ULK2: variants seen among roughly 807,000 people sequenced by gnomAD.
ULK2 encodes the protein serine/threonine-protein kinase ULK2.
Under a neutral mutation model 127.5 loss-of-function variants are expected in ULK2, and 76 were observed. The observed-to-expected ratio is 0.60, with a 90% CI of 0.50 to 0.72. The LOEUF (loss-of-function observed/expected upper bound fraction) is 0.72. Among genes scored for constraint, ULK2 ranks in the 30% least tolerant of loss-of-function variants. The pLI is 0.00. For synonymous variants in ULK2, 452 were observed against 461.9 expected (o/e 0.98, Z 0.28); for missense variants, 1,144 against 1,295.9 (o/e 0.88, Z 1.80).
chr17:19,829,633 T>A (rs1485631897), intron 10 of ULK2, among the ~76,000 whole-genome samples: 2 of 147,622 alleles, frequency 1.4e-5, no homozygotes, highest in African/African-American at 2.5e-5. Context: ...GTCAGGAGTT[T>A]GAGACCAGCC....
intron 6 of ULK2, among the ~76,000 whole-genome samples, chr17:19,846,420 A>T (rs2041883520): frequency 6.6e-6 from 1 of 151,988 alleles, no homozygotes; most frequent in Non-Finnish European, 1.5e-5. Context: ...CGGGCAGATC[A>T]CCTGAGGTCA....
chr17:19,826,925 C>G (rs1272688597), intron 10 of ULK2, among the ~76,000 whole-genome samples: 3 of 151,620 alleles, frequency 2.0e-5, no homozygotes, highest in Non-Finnish European at 4.4e-5. Context: ...CCACTGCACT[C>G]CAGCCTGGGT....
chr17:19,849,426 T>A (rs1226059700), intron 4 of ULK2, 21 bp from the exon 5 acceptor site: 1 of 1,596,368 alleles, frequency 6.3e-7, no homozygotes, highest in Non-Finnish European at 8.6e-7. Flanking sequence ...AAAGAGAAAG[T>A]AATGAAAATA....
At position 19,843,242 on chromosome 17, in the gene ULK2, A is replaced by C; in HGVS notation, c.544-20T>G. ...AGGAGCCTGGGAACAGAAAAATTTA[A>C]GGGGCATGCCGTACGTTATTTACAT... On this transcript the variant is annotated intron_variant, in intron 7 of 26. Coordinates refer to ENST00000395544, the MANE Select transcript of ULK2 (RefSeq NM_014683.4). 1.3e-6 allele frequency: 2 copies of C among 1,495,282 alleles called. No individual in the cohort carries two copies. Among genetic ancestry groups the C allele is most frequent in the Non-Finnish European group, 1.8e-6 (2 of 1,112,610 alleles). The allele number at this position is 1,495,282 out of a possible 1,614,324, so 92.6% of individuals were successfully genotyped here.
intron 11 of ULK2, 145 bp downstream of exon 11, chr17:19,825,994 A>AT (rs1567705695): frequency 3.1e-5 from 5 of 159,658 alleles, no homozygotes; most frequent in African/African-American, 1.3e-4. Flanking sequence ...CTCAAAAAAA[A>AT]AAAAAAAAAA....
intron 1 of ULK2, among the ~76,000 whole-genome samples, 164 bp downstream of exon 1, chr17:19,867,164 C>A (rs1597833703): frequency 6.6e-6 from 1 of 152,132 alleles, no homozygotes; most frequent in South Asian, 2.1e-4. Context: ...CTCACAACAA[C>A]CCTCACAGGA....
At chr17:19,815,727 A>C (rs1426996825) in intron 13 of ULK2, among the ~76,000 whole-genome samples, 1 of 152,238 alleles carries the variant, frequency 6.6e-6, no homozygotes, top group Non-Finnish European at 1.5e-5. Flanking sequence ...TAAAAGTTTT[A>C]ATTACTTTTG....
At chr17:19,850,573 T>C (rs2041991131) in intron 3 of ULK2, among the ~76,000 whole-genome samples, 1 of 152,120 alleles carries the variant, frequency 6.6e-6, no homozygotes, top group Non-Finnish European at 1.5e-5. Flanking sequence ...ACGTCTGTAA[T>C]CCCAGCACTT....
intron 3 of ULK2, among the ~76,000 whole-genome samples, chr17:19,863,232 T>C (rs1254132829): frequency 6.6e-6 from 1 of 151,124 alleles, no homozygotes; most frequent in East Asian, 1.9e-4. Context: ...AAAAAGGTTG[T>C]CAAATGAATG....
intron 20 of ULK2, among the ~76,000 whole-genome samples, chr17:19,790,991 C>T (rs998948216): frequency 6.6e-6 from 1 of 152,170 alleles, no homozygotes; most frequent in Non-Finnish European, 1.5e-5. Context: ...CCTACACGAG[C>T]ATACAGATAT....
chr17:19,863,687 T>C (rs975485686), intron 3 of ULK2, among the ~76,000 whole-genome samples: 5 of 151,944 alleles, frequency 3.3e-5, no homozygotes, highest in African/African-American at 1.2e-4. Context: ...TGAAGGATTT[T>C]TTAACATAAT....
At chr17:19,866,713 C>T (rs2042358119) in intron 1 of ULK2, among the ~76,000 whole-genome samples, 1 of 152,134 alleles carries the variant, frequency 6.6e-6, no homozygotes, top group Non-Finnish European at 1.5e-5. Context: ...AGGCTTAAAA[C>T]AATTTTTTTA....
chr17:19,829,293 G>C (rs1008609082), intron 10 of ULK2, among the ~76,000 whole-genome samples: 6 of 152,030 alleles, frequency 3.9e-5, no homozygotes, highest in African/African-American at 1.4e-4. Flanking sequence ...CCTAGCACTT[G>C]GGAGGCCCAA....
At chr17:19,855,352 C>T (rs570366989) in intron 3 of ULK2, among the ~76,000 whole-genome samples, 7 of 150,580 alleles carry the variant, frequency 4.6e-5, no homozygotes, top group East Asian at 1.9e-4. Context: ...TGCAGTGAGC[C>T]GAGATCGCGC....
Position 19,859,826 on chromosome 17 carries a change from T to C in ULK2, c.225+4977A>G, listed in dbSNP as rs554444670. On this transcript the variant is annotated intron_variant, in intron 3 of 26. Coordinates refer to ENST00000395544, the MANE Select transcript of ULK2 (RefSeq NM_014683.4). ...TCCCAAGTAGCTGGGATCACAGGTATGCGCCACCACATCTGGCTAACTTTA... is the reference window on the plus strand; with the variant it reads ...TCCCAAGTAGCTGGGATCACAGGTACGCGCCACCACATCTGGCTAACTTTA... Among the ~76,000 whole-genome samples the C allele has an allele frequency of 5.3e-5, 8 of 152,228 alleles. No homozygotes were observed. The South Asian group carries it at 1.7e-3, about 32-fold the overall frequency.
chr17:19,866,612 C>G (rs2042356442), intron 1 of ULK2, among the ~76,000 whole-genome samples: 1 of 152,230 alleles, frequency 6.6e-6, no homozygotes, highest in Non-Finnish European at 1.5e-5. Context: ...TCAGAACTGC[C>G]ACACCCTTTA....
intron 25 of ULK2, 136 bp from the exon 26 acceptor site, chr17:19,777,852 A>G: frequency 2.7e-6 from 3 of 1,115,120 alleles, no homozygotes; most frequent in South Asian, 1.7e-5. Flanking sequence ...GCAAAACTAC[A>G]TAAAACTCAA....
intron 23 of ULK2, among the ~76,000 whole-genome samples, chr17:19,781,544 G>A (rs960948646): frequency 5.3e-5 from 8 of 152,078 alleles, no homozygotes; most frequent in African/African-American, 7.2e-5. Flanking sequence ...AAGCTACTGC[G>A]ACCAGCCCTC....
chr17:19,857,893 C>T (rs77698388), intron 3 of ULK2, among the ~76,000 whole-genome samples: 3,389 of 152,114 alleles, frequency 0.022, 53 homozygotes, highest in Admixed American at 0.048. Flanking sequence ...TCAGTGATCT[C>T]TCCTGTCAGT....
Sources: gnomAD v4.1 joint callset for allele counts (sites outside exome capture counted in the v4.1 genomes callset) on GRCh38, gnomAD v4.1.1 for gene constraint, MANE v1.5 for transcripts, NCBI Gene and HGNC (gene_info 2026-07-23, HGNC 2026-07-21) for gene names.